The following TCHP variants were observed in gnomAD, a reference collection of about 807,000 sequenced individuals.
TCHP encodes the protein trichoplein keratin filament-binding protein.
Under a neutral mutation model 88.7 loss-of-function variants are expected in TCHP, and 81 were observed. The ratio of observed to expected loss-of-function variants is 0.91; its 90% CI spans 0.76 to 1.10. The LOEUF (loss-of-function observed/expected upper bound fraction) is 1.10. Ranked by LOEUF, TCHP falls within the 50% of genes least tolerant of loss-of-function variation. The probability of loss-of-function intolerance (pLI) is 0.00; values close to 1 mark genes in which losing one functional copy is unlikely to be tolerated. For missense variants in TCHP, 641 were observed against 632.1 expected, an observed-to-expected ratio of 1.01 and a Z score of -0.15; for synonymous variants, 232 against 232.5, an observed-to-expected ratio of 1.00 and a Z score of 0.02.
Position 109,903,932 on chromosome 12 carries a change from C to G in TCHP, c.189-5C>G. The stretch of plus-strand genomic sequence containing the variant: ...ATTGATTCAGGCAGGCCCCCTCTCA[C>G]CCAGCATGCATGCCTATCAGCGGGA... On this transcript the variant is annotated splice_region_variant and splice_polypyrimidine_tract_variant and intron_variant, in intron 2 of 12. Coordinates refer to ENST00000405876, the MANE Select transcript of TCHP (RefSeq NM_001143852.2). This position sits in a 1 kb window ranked among gnomAD's most constrained non-coding sequence, Gnocchi z 4.6. 1.2e-6 allele frequency: 2 copies of G among 1,600,586 alleles called. No individual in the cohort carries two copies. The highest frequency in any genetic ancestry group is 2.2e-5 in the East Asian group (1 of 44,520).
the TCHP span, among the ~76,000 whole-genome samples, chr12:109,886,089 T>G: frequency 1.3e-5 from 2 of 152,198 alleles, no homozygotes; most frequent in African/African-American, 4.8e-5. Flanking sequence ...ATTTATTTAT[T>G]TACATCAGTG....
the TCHP span, among the ~76,000 whole-genome samples, chr12:109,890,550 C>T: frequency 5.3e-5 from 8 of 151,296 alleles, no homozygotes; most frequent in African/African-American, 1.5e-4. Flanking sequence ...CACTCTGTCA[C>T]CCAGGCTGGA....
chr12:109,898,859 C>T (rs1227396237), upstream of TCHP, among the ~76,000 whole-genome samples: 1 of 152,198 alleles, frequency 6.6e-6, no homozygotes. Flanking sequence ...CACTTTGTCA[C>T]CCAGGCTGGA....
chr12:109,901,552 AT>A (rs1275048830), intron 1 of TCHP, among the ~76,000 whole-genome samples: 8 of 152,220 alleles, frequency 5.3e-5, no homozygotes, highest in Admixed American at 5.2e-4. Context: ...GAAACAAGCA[AT>A]GTACGAAGTT....
chr12:109,895,711 T>C (rs1472759755), upstream of TCHP, among the ~76,000 whole-genome samples: 1 of 152,084 alleles, frequency 6.6e-6, no homozygotes, highest in Non-Finnish European at 1.5e-5. Context: ...ATGATGGCAT[T>C]GTGCGGCTTC....
At chr12:109,896,579 A>C (rs1210162113), upstream of TCHP, among the ~76,000 whole-genome samples, 1 of 152,156 alleles carries the variant, frequency 6.6e-6, no homozygotes, top group Non-Finnish European at 1.5e-5. Flanking sequence ...TTGGAGGAGA[A>C]GAAAGTACTC....
rs150248712 is a variant in TCHP at position 109,905,359 on chromosome 12, G to A, written c.456+566G>A. ...GAGAACCCCAAGAAATGACGCTGGC[G>A]AGGCAGAGGGTGCCAGACATCGGAA... On this transcript the variant is annotated intron_variant, in intron 4 of 12. Transcript: ENST00000405876. The surrounding 1 kb of genome is among the most constrained non-coding windows in gnomAD (Gnocchi z 4.0). Among the ~76,000 whole-genome samples the A allele has an allele frequency of 3.9e-5, 6 of 152,346 alleles. No homozygotes were observed. Among genetic ancestry groups the A allele is most frequent in the Admixed American group, 1.3e-4 (2 of 15,306 alleles).
chr12:109,892,227 G>A, the TCHP span, among the ~76,000 whole-genome samples: 1 of 152,146 alleles, frequency 6.6e-6, no homozygotes, highest in African/African-American at 2.4e-5. Flanking sequence ...GAAAGCTATG[G>A]AAGAAAAATA....
intron 1 of TCHP, chr12:109,900,807 G>T (rs972609550): frequency 6.6e-6 from 1 of 152,178 alleles, no homozygotes; most frequent in Non-Finnish European, 1.5e-5. Flanking sequence ...GACCATAGAC[G>T]CAGAGTGTTT....
Position 109,906,571 on chromosome 12 carries a change from G to C in TCHP, c.457-1G>C, listed in dbSNP as rs1870138222. 2 of 1,613,016 alleles carry C rather than the reference G, an allele frequency of 1.2e-6. No individual in the cohort carries two copies. The highest frequency in any genetic ancestry group is 1.7e-6 in the Non-Finnish European group (2 of 1,179,780). ...TCACATCGTCCCCCTTCCATCCTCA[G>C]ATGGAGCTGGACCTTCACCAGAAGC... On this transcript the variant is annotated splice_acceptor_variant, in intron 4 of 12. Transcript: ENST00000405876. LOFTEE classifies it high-confidence loss of function.
At chr12:109,885,381 GTCACA>G in the TCHP span, among the ~76,000 whole-genome samples, 8 of 151,768 alleles carry the variant, frequency 5.3e-5, no homozygotes, top group Admixed American at 1.3e-4. Context: ...GATTTTGTGT[GTCACA>G]AACTATCACA....
rs1870102677 is a variant in TCHP, at chr12:109,905,963, GT to G, written c.457-608del. Among the ~76,000 whole-genome samples, 1 of 152,198 alleles carries G rather than the reference GT, an allele frequency of 6.6e-6. No individual in the cohort carries two copies. Among genetic ancestry groups the G allele is most frequent in the Non-Finnish European group, 1.5e-5 (1 of 68,036 alleles). On this transcript the variant is annotated intron_variant, in intron 4 of 12. Transcript: ENST00000405876. The surrounding 1 kb of genome is among the most constrained non-coding windows in gnomAD (Gnocchi z 4.0). ...TGATCCTCCCACCTCAGCCTCCCGA[GT>G]AGCTGAGACTACAGGTGGGCGCCAC...
Position 109,916,656 on chromosome 12 carries a change from G to T in TCHP, c.*33G>T. The T allele has an allele frequency of 6.2e-7, 1 of 1,606,704 alleles. No homozygotes were observed. The highest frequency in any genetic ancestry group is 8.5e-7 in the Non-Finnish European group (1 of 1,177,444). On this transcript the variant is annotated 3_prime_UTR_variant, in exon 13 of 13. Transcript: ENST00000405876. ...GGTACCATAAGTACAGAGAACAAGG[G>T]ATGCTGAGGCTTCTGATCCCAGCCG... is the stretch of plus-strand genomic sequence containing the variant.
At chr12:109,907,772 C>G (rs951277354) in intron 6 of TCHP, 73 bp downstream of exon 6, 165 of 1,502,032 alleles carry the variant, frequency 1.1e-4, no homozygotes, top group Non-Finnish European at 1.4e-4. Flanking sequence ...ACTTGAGAGG[C>G]TGCCCTAAGA....
At chr12:109,908,827 C>CT in intron 7 of TCHP, 44 bp from the exon 8 acceptor site, 1 of 1,606,368 alleles carries the variant, frequency 6.2e-7, no homozygotes. Flanking sequence ...CTATTTAATT[C>CT]TTTCTGAGAT....
In TCHP at chr12:109,908,477, C is replaced by T; in HGVS notation, c.700-109C>T. 3 of 869,952 alleles carry T rather than the reference C, an allele frequency of 3.4e-6. No homozygotes were observed. In the East Asian group the frequency reaches 8.0e-5, roughly 23 times the overall value. 53.9% of individuals were successfully genotyped at this position (869,952 alleles called of 1,614,324 possible). A position where few individuals can be genotyped will look rare whatever the true frequency, so the allele number is the denominator to read the frequency against. On this transcript the variant is annotated intron_variant, in intron 6 of 12. Coordinates refer to ENST00000405876, the MANE Select transcript of TCHP (RefSeq NM_001143852.2). ...AGGGGATCGTGACCACCTGCATGGC[C>T]AGGCCTCTGTTGGTGTAGTGTCTGC...
chr12:109,884,813 C>G, the TCHP span, among the ~76,000 whole-genome samples: 4 of 152,164 alleles, frequency 2.6e-5, no homozygotes, highest in Non-Finnish European at 4.4e-5. Flanking sequence ...GCCCAATCAC[C>G]CTAAACACCT....
chr12:109,886,870 G>A, the TCHP span, among the ~76,000 whole-genome samples: 3 of 151,670 alleles, frequency 2.0e-5, no homozygotes, highest in Non-Finnish European at 1.5e-5. Context: ...CGCCACGCCC[G>A]GCTAATTTTT....
Position 109,906,601 on chromosome 12 carries a change from C to G in TCHP, c.486C>G (p.Val162=). 1 of 1,612,132 alleles carries G rather than the reference C, an allele frequency of 6.2e-7. No individual in the cohort carries two copies. Residue 162 remains valine (V), a synonymous_variant, in exon 5 of 13, where the codon GTC becomes GTG. Coordinates refer to ENST00000405876, the MANE Select transcript of TCHP (RefSeq NM_001143852.2). ...EMELDLHQKH[V]VNSWEMQKEE... is the part of the protein sequence containing the mutation. The stretch of plus-strand genomic sequence containing the variant: ...AGCTGGACCTTCACCAGAAGCATGT[C>G]GTAAACTCTTGGGAAATGCAGAAAG...
Sources: allele counts gnomAD v4.1 joint callset (sites outside exome capture counted in the v4.1 genomes callset), GRCh38; gene constraint gnomAD v4.1.1; non-coding constraint Gnocchi (gnomAD v3.1); transcripts MANE v1.5; gene names NCBI Gene and HGNC (gene_info 2026-07-23, HGNC 2026-07-21).